The following NUDT13 variants were observed in gnomAD, a reference collection of about 807,000 sequenced individuals.
NUDT13 encodes NAD(P)H pyrophosphatase NUDT13, mitochondrial.
Under a neutral mutation model 41.7 loss-of-function variants are expected in NUDT13, and 40 were observed. The ratio of observed to expected loss-of-function variants is 0.96; its 90% CI spans 0.75 to 1.25. The LOEUF is 1.25. Among genes scored for constraint, NUDT13 ranks in the 50% most tolerant of loss-of-function variants. The pLI is 0.00. For synonymous variants in NUDT13, 145 were observed against 155.5 expected (o/e 0.93, Z 0.50); for missense variants, 390 against 416.1 (o/e 0.94, Z 0.55).
intron 4 of NUDT13, among the ~76,000 whole-genome samples, chr10:73,122,524 A>G (rs1412167099): frequency 6.6e-6 from 1 of 152,200 alleles, no homozygotes; most frequent in African/African-American, 2.4e-5. Context: ...TGATGGGTAC[A>G]TGAATATTTA....
chr10:73,120,209 A>G, intron 3 of NUDT13, 52 bp downstream of exon 3: 1 of 1,555,790 alleles, frequency 6.4e-7, no homozygotes, highest in Non-Finnish European at 8.7e-7. Flanking sequence ...CACTACGCAG[A>G]ATTCAGCCCA....
At chr10:73,118,923 G>C (rs1842575963) in intron 2 of NUDT13, among the ~76,000 whole-genome samples, 1 of 151,948 alleles carries the variant, frequency 6.6e-6, no homozygotes, top group Admixed American at 6.6e-5. Flanking sequence ...AGTCAGCTGA[G>C]ATCGTGCCAC....
chr10:73,126,013 T>G (rs1158814839), intron 7 of NUDT13: 2 of 168,116 alleles, frequency 1.2e-5, no homozygotes, highest in African/African-American at 4.8e-5. Flanking sequence ...TAGGAGATTG[T>G]TGAAAGAATT....
chr10:73,113,960 T>TA lies in NUDT13; in HGVS notation c.-9-396dup, dbSNP rs532557295. The stretch of plus-strand genomic sequence containing the variant: ...TCTTGGCCAGAATGGATTATTTAGT[T>TA]ACAGATTTTTTTTCTTTCCCAATGA... On this transcript the variant is annotated intron_variant, in intron 1 of 8. Transcript: ENST00000357321. 9.8e-5 allele frequency among the ~76,000 whole-genome samples: 15 copies of TA among 152,332 alleles called. No homozygotes were observed. In the South Asian group the frequency reaches 3.1e-3, roughly 32 times the overall value.
At position 73,114,381 on chromosome 10, in the gene NUDT13, G is replaced by A; in HGVS notation, c.16G>A (p.Gly6Arg). 2 of 1,574,748 alleles carry A rather than the reference G, an allele frequency of 1.3e-6. No homozygotes were observed. Among genetic ancestry groups the A allele is most frequent in the South Asian group, 1.2e-5 (1 of 86,452 alleles). ...GGACCTGACAATGTCCCTGTATTGTGGAATAGCTTGCAGGAGAAAATTTTT... is the reference window on the plus strand; with the variant it reads ...GGACCTGACAATGTCCCTGTATTGTAGAATAGCTTGCAGGAGAAAATTTTT... MSLYC[G>R]IACRRKFFWC... Residue 6 changes from glycine (G) to arginine (R), a missense_variant, in exon 2 of 9, where the codon GGA (glycine) becomes AGA (arginine). Transcript: ENST00000357321.
rs1001575139 is a variant in NUDT13, at chr10:73,131,235, G to A, written c.*332G>A. The A allele has an allele frequency of 4.2e-6, 1 of 240,600 alleles. No individual in the cohort carries two copies. Among genetic ancestry groups the A allele is most frequent in the Non-Finnish European group, 8.4e-6 (1 of 118,828 alleles). The allele number at this position is 240,600 out of a possible 1,614,324, so 14.9% of individuals were successfully genotyped here. ...GCAAACATCTTCTGGCATATGGCTT[G>A]TTAATGTTGTGTTTACACTAACTGC... On this transcript the variant is annotated 3_prime_UTR_variant, in exon 9 of 9. Transcript: ENST00000357321.
rs557021632 is a variant in NUDT13, at chr10:73,126,828, G to GT, written c.858+2dup. The GT allele has an allele frequency of 1.5e-5, 25 of 1,613,788 alleles. No homozygotes were observed. The South Asian group carries it at 2.5e-4, about 16-fold the overall frequency. The stretch of plus-strand genomic sequence containing the variant: ...AACTGTGAAACCAGGGCAGACAGAA[G>GT]TAAGTTCTCATCTTCCCTTATACTG... On this transcript the variant is annotated splice_donor_variant, in intron 8 of 8. Coordinates refer to ENST00000357321, the MANE Select transcript of NUDT13 (RefSeq NM_015901.6). LOFTEE classifies it high-confidence loss of function.
chr10:73,127,566 G>A (rs1326451761), intron 8 of NUDT13, among the ~76,000 whole-genome samples: 1 of 150,556 alleles, frequency 6.6e-6, no homozygotes, highest in East Asian at 2.0e-4. Context: ...GCAGTGGCGC[G>A]ATCTCGGCTC....
rs2133213104 is a variant in NUDT13, at chr10:73,120,141, C to A, written c.207C>A (p.Pro69=). Residue 69 remains proline, a synonymous_variant, in exon 3 of 9, where the codon CCC becomes CCA. Transcript: ENST00000357321. ...CTTCAGCACATCAATACCTGGCCCC[C>A]CGGCACAGCCTGTTAGGTAAGTCCA... ...LQTSAHQYLA[P]RHSLLELERL... 6.2e-7 allele frequency: 1 copy of A among 1,614,184 alleles called. No homozygotes were observed. Among genetic ancestry groups the A allele is most frequent in the East Asian group, 2.2e-5 (1 of 44,886 alleles).
chr10:73,130,487 T>TAC (rs754288651), intron 8 of NUDT13: 4,730 of 285,900 alleles, frequency 0.017, 34 homozygotes, highest in Middle Eastern at 0.045. Flanking sequence ...TATATATATA[T>TAC]ACACACACAC....
chr10:73,130,837 A>G lies in NUDT13; in HGVS notation c.993A>G (p.Leu331=), dbSNP rs753092297. Residue 331 remains leucine, a synonymous_variant, in exon 9 of 9, where the codon TTA becomes TTG. Transcript: ENST00000357321. The part of the protein sequence containing the change: ...GTFPFWLPPK[L]AISHQLIKEW... Reference sequence around the variant, plus strand: ...TCCCATTCTGGCTGCCCCCTAAGTTAGCCATCTCCCACCAACTGATTAAGG... The same window carrying G: ...TCCCATTCTGGCTGCCCCCTAAGTTGGCCATCTCCCACCAACTGATTAAGG... 6 of 1,613,976 alleles carry G rather than the reference A, an allele frequency of 3.7e-6. No individual in the cohort carries two copies. The highest frequency in any genetic ancestry group is 5.1e-6 in the Non-Finnish European group (6 of 1,179,954).
At chr10:73,129,941 T>C (rs1842876782) in intron 8 of NUDT13, among the ~76,000 whole-genome samples, 1 of 150,746 alleles carries the variant, frequency 6.6e-6, no homozygotes, top group Admixed American at 6.6e-5. Context: ...ATCACACCAT[T>C]GCCCTCTAGC....
Position 73,130,893 on chromosome 10 carries a change from T to G in NUDT13, c.1049T>G (p.Leu350Arg). 1 of 1,613,234 alleles carries G rather than the reference T, an allele frequency of 6.2e-7. No individual in the cohort carries two copies. The highest frequency in any genetic ancestry group is 8.5e-7 in the Non-Finnish European group (1 of 1,179,470). ...GTGGAAAAACAGACCTGTTCTTCCC[T>G]GCCTGCTTAGCCCGGATCAAGTCAC... The part of the protein sequence containing the change: ...EWVEKQTCSS[L>R]PA Residue 350 changes from leucine to arginine, a missense_variant, in exon 9 of 9, where the codon CTG (leucine) becomes CGG (arginine). Leu to Arg is a moderately radical substitution (Grantham distance 102). Coordinates refer to ENST00000357321, the MANE Select transcript of NUDT13 (RefSeq NM_015901.6).
chr10:73,114,387 G>A lies in NUDT13; in HGVS notation c.22G>A (p.Ala8Thr). ...GACAATGTCCCTGTATTGTGGAATA[G>A]CTTGCAGGAGAAAATTTTTTTGGTG... The part of the protein sequence containing the change: MSLYCGI[A>T]CRRKFFWCYR... The change falls in exon 2 of 9, where the codon GCT becomes ACT. Residue 8 changes from alanine (A) to threonine (T), a missense_variant. Ala to Thr is a moderately conservative substitution (Grantham distance 58). Coordinates refer to ENST00000357321, the MANE Select transcript of NUDT13 (RefSeq NM_015901.6). The A allele has an allele frequency of 4.4e-6, 7 of 1,585,966 alleles. No homozygotes were observed. The highest frequency in any genetic ancestry group is 5.2e-6 in the Non-Finnish European group (6 of 1,162,484).
intron 2 of NUDT13, among the ~76,000 whole-genome samples, chr10:73,116,579 T>C (rs992280559): frequency 6.6e-6 from 1 of 151,954 alleles, no homozygotes; most frequent in Non-Finnish European, 1.5e-5. Context: ...CCGTCTCTAC[T>C]AAAAATACAA....
At chr10:73,120,210 A>G (rs1442343438) in intron 3 of NUDT13, 53 bp downstream of exon 3, 4 of 1,555,258 alleles carry the variant, frequency 2.6e-6, no homozygotes, top group Non-Finnish European at 1.7e-6. Context: ...ACTACGCAGA[A>G]TTCAGCCCAT....
Position 73,127,793 on chromosome 10 carries a change from A to G in NUDT13, c.858+966A>G, listed in dbSNP as rs531502822. Among the ~76,000 whole-genome samples the G allele has an allele frequency of 3.3e-5, 5 of 150,452 alleles. No homozygotes were observed. The Admixed American group carries it at 3.3e-4, about 10-fold the overall frequency. Reference sequence around the variant, plus strand: ...TTGATGTGAGATCTATTCTCTTAGCAAATTTTTATGTGTATAATATAGTAT... The same window carrying G: ...TTGATGTGAGATCTATTCTCTTAGCGAATTTTTATGTGTATAATATAGTAT... On this transcript the variant is annotated intron_variant, in intron 8 of 8. Transcript: ENST00000357321.
intron 3 of NUDT13, among the ~76,000 whole-genome samples, chr10:73,121,700 A>T (rs1314214116): frequency 6.6e-6 from 1 of 152,156 alleles, no homozygotes; most frequent in Non-Finnish European, 1.5e-5. Flanking sequence ...TTGGGACTAC[A>T]GGTGTGCACT....
chr10:73,119,027 AG>A (rs1392905240), intron 2 of NUDT13, among the ~76,000 whole-genome samples: 5 of 151,980 alleles, frequency 3.3e-5, no homozygotes, highest in Non-Finnish European at 7.4e-5. Flanking sequence ...GGTTAAGTAT[AG>A]GTTTCATCAA....
Sources: allele counts gnomAD v4.1 joint callset (sites outside exome capture counted in the v4.1 genomes callset), GRCh38; gene constraint gnomAD v4.1.1; transcripts MANE v1.5; gene names NCBI Gene and HGNC (gene_info 2026-07-23, HGNC 2026-07-21).